CPT2: variants seen among roughly 807,000 people sequenced by gnomAD.
CPT2 encodes the protein carnitine O-palmitoyltransferase 2, mitochondrial.
Under a neutral mutation model 48.6 loss-of-function variants are expected in CPT2, and 37 were observed. The ratio of observed to expected loss-of-function variants is 0.76; its 90% confidence interval spans 0.59 to 1.00. The LOEUF is 1.00. Ranked by LOEUF, CPT2 falls within the 50% of genes least tolerant of loss-of-function variation. The pLI is 0.00. For synonymous variants in CPT2, 319 were observed against 326.9 expected (o/e 0.98, Z 0.26); for missense variants, 772 against 825.6 (o/e 0.94, Z 0.80).
chr1:53,213,947 A>C lies in CPT2; in HGVS notation c.*352A>C, dbSNP rs1208559614. The C allele has an allele frequency of 2.7e-5, 8 of 293,404 alleles. No homozygotes were observed. Among genetic ancestry groups the C allele is most frequent in the Non-Finnish European group, 5.2e-5 (8 of 152,798 alleles). The allele number at this position is 293,404 out of a possible 1,614,324, so 18.2% of individuals were successfully genotyped here. On this transcript the variant is annotated 3_prime_UTR_variant, in exon 5 of 5. Coordinates refer to ENST00000371486, the MANE Select transcript of CPT2 (RefSeq NM_000098.3). Reference sequence around the variant, plus strand: ...TCAAAAAAACAAAAAAGAAAAAAAAACTGGGGCCTGTGTAGCCAGTGGGTG... The same window carrying C: ...TCAAAAAAACAAAAAAGAAAAAAAACCTGGGGCCTGTGTAGCCAGTGGGTG...
chr1:53,210,196 A>G lies in CPT2; in HGVS notation c.522A>G (p.Glu174=). 2 of 1,614,154 alleles carry G rather than the reference A, an allele frequency of 1.2e-6. No homozygotes were observed. The highest frequency in any genetic ancestry group is 2.7e-5 in the African/African-American group (2 of 75,020). The change falls in exon 4 of 5, where the codon GAA becomes GAG. Residue 174 remains glutamate, a synonymous_variant. Coordinates refer to ENST00000371486, the MANE Select transcript of CPT2 (RefSeq NM_000098.3). ...TCCGGGCTGGCCTTCTGGAGCCAGA[A>G]GTGTTCCACTTGAACCCTGCAAAAA... is the stretch of plus-strand genomic sequence containing the variant. ...KTLRAGLLEP[E]VFHLNPAKSD...
At position 53,199,754 on chromosome 1, in the gene CPT2, G is replaced by A. The variant is rs559897315; in HGVS notation, c.153-965G>A. The A allele has an allele frequency of 4.6e-5, 7 of 152,258 alleles. No homozygotes were observed. The East Asian group carries it at 1.3e-3, about 29-fold the overall frequency. The allele number at this position is 152,258 out of a possible 1,614,324, so 9.4% of individuals were successfully genotyped here. A position where few individuals can be genotyped will look rare whatever the true frequency, so the allele number is the denominator to read the frequency against. ...CTTAGTGCAGTCTAAGTCCATAATGGCAGTAAATAATTGATTTATTTTTGT... is the reference window on the plus strand; with the variant it reads ...CTTAGTGCAGTCTAAGTCCATAATGACAGTAAATAATTGATTTATTTTTGT... On this transcript the variant is annotated intron_variant, in intron 1 of 4. Coordinates refer to ENST00000371486, the MANE Select transcript of CPT2 (RefSeq NM_000098.3).
intron 1 of CPT2, among the ~76,000 whole-genome samples, chr1:53,198,270 T>G (rs529441137): frequency 6.6e-6 from 1 of 152,306 alleles, no homozygotes; most frequent in South Asian, 2.1e-4. Context: ...AGGCCAGGCT[T>G]CTTCCCCATG....
chr1:53,208,114 T>C (rs1175609956), intron 3 of CPT2: 1 of 152,246 alleles, frequency 6.6e-6, no homozygotes, highest in Non-Finnish European at 1.5e-5. Context: ...ATTTATGTCT[T>C]CTTTCATCAA....
chr1:53,213,391 ACT>A lies in CPT2; in HGVS notation c.1774_1775del (p.Leu592GlufsTer16), dbSNP rs767004984. 2 of 1,614,140 alleles carry A rather than the reference ACT, an allele frequency of 1.2e-6. No homozygotes were observed. The highest frequency in any genetic ancestry group is 2.7e-5 in the African/African-American group (2 of 74,948). ...INHNVLSTST[L>X]SSPAVNLGGF... ...ACCACAATGTCCTGTCCACGAGCAC[ACT>A]GAGCAGCCCAGCAGTGAACCTTGGG... On this transcript the variant is annotated frameshift_variant, in exon 5 of 5. Transcript: ENST00000371486. LOFTEE classifies it high-confidence loss of function.
chr1:53,210,044 C>T lies in CPT2; in HGVS notation c.370C>T (p.Arg124Ter), dbSNP rs201065226. 23 of 1,613,602 alleles carry T rather than the reference C, an allele frequency of 1.4e-5. No homozygotes were observed. Among genetic ancestry groups the T allele is most frequent in the Middle Eastern group, 1.6e-4 (1 of 6,084 alleles). The change falls in exon 4 of 5, where the codon CGA becomes TGA. Residue 124 changes from arginine (R) to a stop codon, truncating the protein, a stop_gained. Transcript: ENST00000371486. LOFTEE classifies it high-confidence loss of function. ...GPWFDMYLSA[R>*]DSVVLNFNPF... ...CTGGTTTGATATGTACCTATCTGCT[C>T]GAGACTCCGTTGTTCTGAACTTTAA...
rs886046406 is a variant in CPT2 at position 53,196,843 on chromosome 1, C to G, written c.-101C>G. ...GCGGGCGGAGAAGTGCCTCAGGAGT[C>G]CTGACGCAGTGTCTTGGGCGCTAAC... On this transcript the variant is annotated 5_prime_UTR_variant, in exon 1 of 5. Coordinates refer to ENST00000371486, the MANE Select transcript of CPT2 (RefSeq NM_000098.3). 19 of 1,441,390 alleles carry G rather than the reference C, an allele frequency of 1.3e-5. No individual in the cohort carries two copies. Among genetic ancestry groups the G allele is most frequent in the Non-Finnish European group, 1.4e-5 (15 of 1,070,012 alleles). The allele number at this position is 1,441,390 out of a possible 1,614,324, so 89.3% of individuals were successfully genotyped here. A position where few individuals can be genotyped will look rare whatever the true frequency, so the allele number is the denominator to read the frequency against.
In CPT2 at chr1:53,209,895, C is replaced by G. The variant is rs1359177791; in HGVS notation, c.341-120C>G. On this transcript the variant is annotated intron_variant, in intron 3 of 4. Transcript: ENST00000371486. ...GCAGAGCAAAAACATTCAGGGAATT[C>G]TTCTCTCTGGAGGTTGATGCCATTT... 3.7e-6 allele frequency: 3 copies of G among 800,776 alleles called. No homozygotes were observed. In the South Asian group the frequency reaches 4.7e-5, roughly 13 times the overall value. 49.6% of individuals were successfully genotyped at this position (800,776 alleles called of 1,614,324 possible).
intron 4 of CPT2, chr1:53,212,831 T>C (rs1414784866): frequency 6.8e-6 from 3 of 441,792 alleles, no homozygotes; most frequent in African/African-American, 6.1e-5. Context: ...GTAGTAAGAC[T>C]GAGATTCGAA....
chr1:53,197,165 C>T, intron 1 of CPT2, 70 bp downstream of exon 1: 2 of 1,513,128 alleles, frequency 1.3e-6, no homozygotes, highest in Non-Finnish European at 1.8e-6. Flanking sequence ...ACTGCAGTCA[C>T]TCATGACTCC....
rs543259286 is a variant in CPT2, at chr1:53,214,149, C to G, written c.*554C>G. 2.3e-4 allele frequency: 38 copies of G among 164,454 alleles called. No individual in the cohort carries two copies. The highest frequency in any genetic ancestry group is 8.6e-4 in the African/African-American group (36 of 41,680). The allele number at this position is 164,454 out of a possible 1,614,324, so 10.2% of individuals were successfully genotyped here. Reference sequence around the variant, plus strand: ...GGAGGAAAGGTTTGGAAAACTAACTCAGGTGTATTTATTGTTTAAGCAGAA... The same window carrying G: ...GGAGGAAAGGTTTGGAAAACTAACTGAGGTGTATTTATTGTTTAAGCAGAA... On this transcript the variant is annotated 3_prime_UTR_variant, in exon 5 of 5. Coordinates refer to ENST00000371486, the MANE Select transcript of CPT2 (RefSeq NM_000098.3).
At chr1:53,207,817 G>T (rs1225899857) in intron 3 of CPT2, 1 of 152,144 alleles carries the variant, frequency 6.6e-6, no homozygotes, top group Admixed American at 6.6e-5. Context: ...AGTGAGGAGG[G>T]AATCTCAGGT....
Position 53,210,250 on chromosome 1 carries a change from A to G in CPT2, c.576A>G (p.Ile192Met). 1 of 1,614,098 alleles carries G rather than the reference A, an allele frequency of 6.2e-7. No homozygotes were observed. Among genetic ancestry groups the G allele is most frequent in the Non-Finnish European group, 8.5e-7 (1 of 1,180,016 alleles). The change falls in exon 4 of 5, where the codon ATA becomes ATG. Residue 192 changes from isoleucine to methionine, a missense_variant. Transcript: ENST00000371486. ...ACACTATCACCTTCAAGAGACTCATACGCTTTGTGCCTTCCTCTCTGTCCT... is the reference window on the plus strand; with the variant it reads ...ACACTATCACCTTCAAGAGACTCATGCGCTTTGTGCCTTCCTCTCTGTCCT... ...KSDTITFKRL[I>M]RFVPSSLSWY... is the part of the protein sequence containing the mutation.
In CPT2 at chr1:53,197,031, G is replaced by C. The variant is rs937940197; in HGVS notation, c.88G>C (p.Gly30Arg). ...CAGTCGGCCCCTCAGCGCCGGCTCC[G>C]GGCCCGGCCAGTACCTGCAGCGCAG... ...APSRPLSAGS[G>R]PGQYLQRSIV... The change falls in exon 1 of 5, where the codon GGG becomes CGG. Residue 30 changes from glycine (G) to arginine (R), a missense_variant. Physicochemically the swap from Gly to Arg is moderately radical, Grantham distance 125. Coordinates refer to ENST00000371486, the MANE Select transcript of CPT2 (RefSeq NM_000098.3). 18 of 1,536,366 alleles carry C rather than the reference G, an allele frequency of 1.2e-5. No individual in the cohort carries two copies. Among genetic ancestry groups the C allele is most frequent in the Admixed American group, 2.0e-5 (1 of 50,834 alleles).
rs772541454 is a variant in CPT2, at chr1:53,197,027, C to A, written c.84C>A (p.Gly28=). Residue 28 remains glycine (G), a synonymous_variant, in exon 1 of 5, where the codon GGC becomes GGA. Transcript: ENST00000371486. The part of the protein sequence containing the change: ...PGAPSRPLSA[G]SGPGQYLQRS... ...CCCCCAGTCGGCCCCTCAGCGCCGG[C>A]TCCGGGCCCGGCCAGTACCTGCAGC... is the stretch of plus-strand genomic sequence containing the variant. The A allele has an allele frequency of 1.3e-6, 2 of 1,536,630 alleles. No homozygotes were observed.
At chr1:53,200,432 G>A (rs1645347173) in intron 1 of CPT2, 2 of 352,080 alleles carry the variant, frequency 5.7e-6, no homozygotes, top group African/African-American at 2.1e-5. Context: ...CAGAAAACAG[G>A]AATTCTTGGG....
rs140771069 is a variant in CPT2, at chr1:53,211,078, G to A, written c.1404G>A (p.Gln468=). 76 of 1,614,202 alleles carry A rather than the reference G, an allele frequency of 4.7e-5. No individual in the cohort carries two copies. In the East Asian group the frequency reaches 1.6e-3, roughly 34 times the overall value. ...KQKLSPDAVA[Q]LAFQMAFLRQ... is the part of the protein sequence containing the mutation. ...AGCTGAGCCCTGACGCAGTTGCCCA[G>A]CTGGCATTCCAGATGGCCTTCCTGC... is the stretch of plus-strand genomic sequence containing the variant. The change falls in exon 4 of 5, where the codon CAG becomes CAA. Residue 468 remains glutamine, a synonymous_variant. Transcript: ENST00000371486.
intron 3 of CPT2, among the ~76,000 whole-genome samples, chr1:53,204,885 G>C (rs940629422): frequency 2.6e-5 from 4 of 152,158 alleles, no homozygotes; most frequent in Admixed American, 2.0e-4. Context: ...CGCTGTGATT[G>C]TAAGTTTCCT....
At chr1:53,202,468 C>T (rs112159369) in intron 3 of CPT2, 39 bp downstream of exon 3, 3 of 1,494,328 alleles carry the variant, frequency 2.0e-6, no homozygotes, top group African/African-American at 2.8e-5. Context: ...TCTCCCAGAG[C>T]CCTCCATAAT....
Sources: allele counts gnomAD v4.1 joint callset (sites outside exome capture counted in the v4.1 genomes callset), GRCh38; gene constraint gnomAD v4.1.1; transcripts MANE v1.5; gene names NCBI Gene and HGNC (gene_info 2026-07-23, HGNC 2026-07-21).